Variants in SBNO1 observed in about 807,000 individuals in gnomAD.
The protein encoded by SBNO1 is strawberry notch homolog 1.
Under a neutral mutation model 173.6 loss-of-function variants are expected in SBNO1, and 23 were observed. That is an observed-to-expected ratio of 0.13 (90% CI 0.10 to 0.19). SBNO1 has a LOEUF of 0.19. SBNO1 is among the 10% of genes least tolerant of loss of function. The probability of loss-of-function intolerance (pLI) is 1.00; values close to 1 mark genes in which losing one functional copy is unlikely to be tolerated. For missense variants in SBNO1, 1,238 were observed against 1,671.2 expected (o/e 0.74, Z 4.52); for synonymous variants, 632 against 571.5 (o/e 1.11, Z -1.51).
chr12:123,324,654 CA>C (rs1222285483), intron 15 of SBNO1, among the ~76,000 whole-genome samples: 5 of 151,996 alleles, frequency 3.3e-5, no homozygotes, highest in Admixed American at 2.6e-4. Context: ...TCCCGAGGCA[CA>C]AAATAGTAGA....
intron 28 of SBNO1, among the ~76,000 whole-genome samples, chr12:123,306,743 C>G (rs2048924391): frequency 6.6e-6 from 1 of 151,958 alleles, no homozygotes; most frequent in East Asian, 1.9e-4. Flanking sequence ...TGAATTCTAC[C>G]AATATCAACA....
At chr12:123,357,810 C>G (rs1477703181) in intron 1 of SBNO1, among the ~76,000 whole-genome samples, 1 of 152,174 alleles carries the variant, frequency 6.6e-6, no homozygotes, top group Non-Finnish European at 1.5e-5. Flanking sequence ...AACACCTACC[C>G]TTCATAGGAC....
chr12:123,313,432 G>C (rs899165001), intron 24 of SBNO1, among the ~76,000 whole-genome samples, 188 bp downstream of exon 24: 1 of 151,862 alleles, frequency 6.6e-6, no homozygotes, highest in African/African-American at 2.4e-5. Flanking sequence ...ACTTTCATTT[G>C]AATAAAATTT....
intron 19 of SBNO1, 25 bp from the exon 20 acceptor site, chr12:123,320,056 C>G: frequency 6.2e-7 from 1 of 1,613,300 alleles, no homozygotes; most frequent in Non-Finnish European, 8.5e-7. Context: ...AATGTCATTA[C>G]AATGAAGGTA....
At chr12:123,347,794 C>CA (rs1873383511) in intron 3 of SBNO1, among the ~76,000 whole-genome samples, 1 of 151,454 alleles carries the variant, frequency 6.6e-6, no homozygotes, top group South Asian at 2.1e-4. Context: ...CTTGGCCTCC[C>CA]AAAGTGCCAG....
intron 17 of SBNO1, 104 bp from the exon 18 acceptor site, chr12:123,320,970 G>C (rs1184538485): frequency 1.0e-6 from 1 of 953,932 alleles, no homozygotes; most frequent in East Asian, 2.6e-5. Flanking sequence ...ACAATGTTTC[G>C]CTGTTGTAGC....
At chr12:123,354,841 C>T (rs138199880) in intron 1 of SBNO1, among the ~76,000 whole-genome samples, 38 of 148,612 alleles carry the variant, frequency 2.6e-4, no homozygotes, top group African/African-American at 8.2e-4. Context: ...TTACTAACCA[C>T]GGAAGGTCTC....
intron 5 of SBNO1, among the ~76,000 whole-genome samples, chr12:123,339,286 C>G (rs918868035): frequency 2.6e-5 from 4 of 151,988 alleles, no homozygotes; most frequent in African/African-American, 9.7e-5. Context: ...TTCCCCTCTC[C>G]GTTTTTCAAT....
At chr12:123,359,061 T>G (rs1220868900) in intron 1 of SBNO1, among the ~76,000 whole-genome samples, 6 of 151,618 alleles carry the variant, frequency 4.0e-5, no homozygotes, top group Admixed American at 3.9e-4. Context: ...GCCTCCCCAG[T>G]AGCTGGGATT....
chr12:123,309,424 T>C, intron 27 of SBNO1, 22 bp from the exon 28 acceptor site: 1 of 1,608,150 alleles, frequency 6.2e-7, no homozygotes, highest in Non-Finnish European at 8.5e-7. Context: ...ACAACGAAAT[T>C]TAAACTCATT....
At chr12:123,306,461 C>G (rs1485765456) in intron 28 of SBNO1, among the ~76,000 whole-genome samples, 5 of 152,126 alleles carry the variant, frequency 3.3e-5, no homozygotes, top group Non-Finnish European at 7.4e-5. Flanking sequence ...AATGAAGGAC[C>G]AGTATTATCA....
In SBNO1 at chr12:123,291,365, A is replaced by G. The variant is rs1447943453; in HGVS notation, c.*4543T>C. The G allele has an allele frequency of 6.6e-6, 1 of 152,210 alleles. No homozygotes were observed. Among genetic ancestry groups the G allele is most frequent in the East Asian group, 1.9e-4 (1 of 5,192 alleles). 9.4% of individuals were successfully genotyped at this position (152,210 alleles called of 1,614,324 possible). On this transcript the variant is annotated 3_prime_UTR_variant, in exon 32 of 32. Transcript: ENST00000602398. ...GTCAGGTTTGCTGATCTAAGAGCTA[A>G]GTTTGATCCCAAATGCACTGAAGAA...
chr12:123,310,022 T>C lies in SBNO1; in HGVS notation c.3296-166A>G, dbSNP rs371277766. On this transcript the variant is annotated intron_variant, in intron 25 of 31. Coordinates refer to ENST00000602398, the MANE Select transcript of SBNO1 (RefSeq NM_001167856.3). The stretch of plus-strand genomic sequence containing the variant: ...TCTGCCCATTTCTCTCTCTAGCAAT[T>C]AGCACCACTGCAGGACACGCTCAAA... 5.0e-4 allele frequency among the ~76,000 whole-genome samples: 76 copies of C among 152,298 alleles called. 2 individuals are homozygous for C. The South Asian group carries it at 0.013, about 27-fold the overall frequency.
intron 24 of SBNO1, among the ~76,000 whole-genome samples, chr12:123,313,277 TA>T (rs989572020): frequency 1.1e-4 from 17 of 149,192 alleles, no homozygotes; most frequent in Admixed American, 5.4e-4. Context: ...GACTCGGTCT[TA>T]AAAAAAATAA....
chr12:123,299,698 A>AAAAC (rs2048723165), intron 30 of SBNO1, among the ~76,000 whole-genome samples: 1 of 151,142 alleles, frequency 6.6e-6, no homozygotes, highest in Non-Finnish European at 1.5e-5. Context: ...AAAAAAAAAA[A>AAAAC]ACAAAAAAGC....
chr12:123,320,418 A>G lies in SBNO1; in HGVS notation c.2667+14T>C. The G allele has an allele frequency of 1.2e-6, 2 of 1,603,080 alleles. No homozygotes were observed. The highest frequency in any genetic ancestry group is 1.7e-6 in the Non-Finnish European group (2 of 1,174,910). The stretch of plus-strand genomic sequence containing the variant: ...AATGGCAAAAATGTCACCAAGAGAT[A>G]CAGGCCTATTTACCTCAGCAACGTT... On this transcript the variant is annotated intron_variant, in intron 19 of 31. Coordinates refer to ENST00000602398, the MANE Select transcript of SBNO1 (RefSeq NM_001167856.3).
intron 20 of SBNO1, among the ~76,000 whole-genome samples, chr12:123,318,818 T>C (rs936577697): frequency 2.4e-4 from 36 of 151,546 alleles, no homozygotes; most frequent in African/African-American, 7.8e-4. Context: ...CTGTAAGCCA[T>C]TTACAGTAAA....
At chr12:123,309,175 A>C in intron 28 of SBNO1, 135 bp downstream of exon 28, 1 of 666,092 alleles carries the variant, frequency 1.5e-6, no homozygotes, top group South Asian at 1.9e-5. Context: ...ACAAACACAC[A>C]ATTACAATGA....
chr12:123,313,854 C>A, intron 23 of SBNO1, 135 bp from the exon 24 acceptor site: 1 of 523,780 alleles, frequency 1.9e-6, no homozygotes, highest in Non-Finnish European at 3.4e-6. Flanking sequence ...TTTGGGAGGT[C>A]GAGGTGGGTG....
Sources: allele counts gnomAD v4.1 joint callset (sites outside exome capture counted in the v4.1 genomes callset), GRCh38; gene constraint gnomAD v4.1.1; transcripts MANE v1.5; gene names NCBI Gene and HGNC (gene_info 2026-07-23, HGNC 2026-07-21).